CUX2: variants seen among roughly 807,000 people sequenced by gnomAD.
CUX2 encodes homeobox protein cut-like 2.
CUX2 carries 40 observed loss-of-function variants against 144.8 expected under a neutral mutation model. The ratio of observed to expected loss-of-function variants is 0.28; its 90% CI spans 0.21 to 0.36. CUX2 has a LOEUF of 0.36. Ranked by LOEUF, CUX2 falls within the 10% of genes least tolerant of loss-of-function variation. The pLI is 1.00. For missense variants in CUX2, 1,615 were observed against 1,994.0 expected, an observed-to-expected ratio of 0.81 and a Z score of 3.62; for synonymous variants, 827 against 875.6, an observed-to-expected ratio of 0.94 and a Z score of 0.98.
At chr12:111,064,524 T>C (rs551468624) in intron 1 of CUX2, among the ~76,000 whole-genome samples, 1 of 152,374 alleles carries the variant, frequency 6.6e-6, no homozygotes, top group African/African-American at 2.4e-5. Context: ...CTCAGGGCTT[T>C]GATTTTGAGA....
chr12:111,164,404 C>T (rs1308079595), intron 1 of CUX2, among the ~76,000 whole-genome samples: 2 of 151,608 alleles, frequency 1.3e-5, no homozygotes, highest in Non-Finnish European at 1.5e-5. Flanking sequence ...GGTGAAACCC[C>T]GTCTCTACTA....
At chr12:111,321,782 A>T (rs182221651) in intron 17 of CUX2, among the ~76,000 whole-genome samples, 1 of 152,314 alleles carries the variant, frequency 6.6e-6, no homozygotes, top group East Asian at 1.9e-4. Flanking sequence ...CTGCAATGCC[A>T]GTTTTAAGTG....
Position 111,287,296 on chromosome 12 carries a change from G to A in CUX2, c.302-4122G>A, listed in dbSNP as rs541022946. 6.6e-6 allele frequency among the ~76,000 whole-genome samples: 1 copy of A among 152,378 alleles called. No individual in the cohort carries two copies. Among genetic ancestry groups the A allele is most frequent in the African/African-American group, 2.4e-5 (1 of 41,598 alleles). ...AGCAGGGCCCCTGGGCCACGAGCCG[G>A]ATCCTCCCCCTCCTTGGAACCGGAG... On this transcript the variant is annotated intron_variant, in intron 4 of 21. Transcript: ENST00000261726. The surrounding 1 kb of genome is among the most constrained non-coding windows in gnomAD (Gnocchi z 4.2).
intron 4 of CUX2, among the ~76,000 whole-genome samples, chr12:111,268,134 G>A (rs1268461426): frequency 3.3e-5 from 5 of 151,982 alleles, no homozygotes; most frequent in Non-Finnish European, 7.4e-5. Context: ...TTAGATTTTG[G>A]GGCCACCTGG....
intron 1 of CUX2, among the ~76,000 whole-genome samples, chr12:111,130,922 T>C (rs996718586): frequency 1.3e-5 from 2 of 152,268 alleles, no homozygotes; most frequent in African/African-American, 4.8e-5. Context: ...CCTGATTCAA[T>C]TTTATGTTCC....
chr12:111,092,878 G>A (rs1054864405), intron 1 of CUX2, among the ~76,000 whole-genome samples: 9 of 141,774 alleles, frequency 6.3e-5, no homozygotes, highest in African/African-American at 1.8e-4. Context: ...GCAGTGGCCC[G>A]ATCATGGCTT....
intron 4 of CUX2, among the ~76,000 whole-genome samples, chr12:111,276,208 C>G (rs1884865648): frequency 6.6e-6 from 1 of 152,002 alleles, no homozygotes; most frequent in African/African-American, 2.4e-5. Flanking sequence ...TTAAAAATAG[C>G]TGGGCATGGT....
intron 9 of CUX2, among the ~76,000 whole-genome samples, chr12:111,301,218 TG>T (rs1357889396): frequency 6.6e-6 from 1 of 152,178 alleles, no homozygotes; most frequent in Non-Finnish European, 1.5e-5. Flanking sequence ...ATGAGGATGC[TG>T]GGGTACAGCA....
intron 1 of CUX2, among the ~76,000 whole-genome samples, chr12:111,198,648 C>T (rs1880386866): frequency 6.6e-6 from 1 of 152,116 alleles, no homozygotes; most frequent in African/African-American, 2.4e-5. Flanking sequence ...GTTGAATGCC[C>T]TGTGGAAAAG....
intron 1 of CUX2, among the ~76,000 whole-genome samples, chr12:111,188,645 G>A (rs370853162): frequency 5.0e-4 from 76 of 152,242 alleles, no homozygotes; most frequent in African/African-American, 1.7e-3. Flanking sequence ...AGAGCGGGGG[G>A]GAAAGGAGGG....
At chr12:111,161,881 T>G (rs1877792531) in intron 1 of CUX2, among the ~76,000 whole-genome samples, 1 of 152,166 alleles carries the variant, frequency 6.6e-6, no homozygotes, top group African/African-American at 2.4e-5. Flanking sequence ...ACTACAGGCA[T>G]GCGCAAACAT....
At chr12:111,213,790 G>A (rs1351539246) in intron 1 of CUX2, among the ~76,000 whole-genome samples, 1 of 152,024 alleles carries the variant, frequency 6.6e-6, no homozygotes, top group Non-Finnish European at 1.5e-5. Context: ...ACTATAATAT[G>A]CCCATACAAT....
intron 18 of CUX2, among the ~76,000 whole-genome samples, chr12:111,325,550 C>T (rs1380540255): frequency 6.6e-6 from 1 of 151,866 alleles, no homozygotes; most frequent in Admixed American, 6.6e-5. Context: ...TTCCTGCCCC[C>T]TAGGGTCCCG....
rs778670253 is a variant in CUX2 at position 111,291,595 on chromosome 12, G to A, written c.436+43G>A. The A allele has an allele frequency of 3.3e-6, 5 of 1,514,260 alleles. No individual in the cohort carries two copies. In the African/African-American group the frequency reaches 4.2e-5, roughly 13 times the overall value. 93.8% of individuals were successfully genotyped at this position (1,514,260 alleles called of 1,614,324 possible). On this transcript the variant is annotated intron_variant, in intron 5 of 21. Transcript: ENST00000261726. ...TCGGAGCGTCTACAATAAACAACCA[G>A]GCTGCAGATCTTCAGAGCCAAACTC...
chr12:111,345,767 A>G (rs1451116356), intron 21 of CUX2, among the ~76,000 whole-genome samples: 1 of 150,136 alleles, frequency 6.7e-6, no homozygotes, highest in Non-Finnish European at 1.5e-5. Context: ...CACGAAAAAG[A>G]AAAAAAAAGG....
At chr12:111,305,187 C>T (rs540804527) in intron 10 of CUX2, among the ~76,000 whole-genome samples, 2 of 152,284 alleles carry the variant, frequency 1.3e-5, no homozygotes, top group South Asian at 4.1e-4. Context: ...TCCCAGAGAG[C>T]CTTGGGTTCA....
chr12:111,299,416 TG>T (rs893480715), intron 9 of CUX2, among the ~76,000 whole-genome samples: 57 of 151,966 alleles, frequency 3.8e-4, no homozygotes, highest in African/African-American at 1.4e-3. Context: ...GGGCGCAGGG[TG>T]GGGGCACTCC....
At chr12:111,078,293 T>C (rs1871646862) in intron 1 of CUX2, among the ~76,000 whole-genome samples, 1 of 152,090 alleles carries the variant, frequency 6.6e-6, no homozygotes. Flanking sequence ...AAGGACAAAG[T>C]GTTCAATCAC....
At chr12:111,094,236 C>T (rs965925491) in intron 1 of CUX2, among the ~76,000 whole-genome samples, 9 of 152,194 alleles carry the variant, frequency 5.9e-5, no homozygotes, top group Admixed American at 3.3e-4. Context: ...GTGGCAGAAT[C>T]GATCACTCCA....
Sources: gnomAD v4.1 joint callset for allele counts (sites outside exome capture counted in the v4.1 genomes callset) on GRCh38, gnomAD v4.1.1 for gene constraint, Gnocchi (gnomAD v3.1) non-coding constraint, MANE v1.5 for transcripts, NCBI Gene and HGNC (gene_info 2026-07-23, HGNC 2026-07-21) for gene names.